The following LRRC70 variants were observed in gnomAD, a reference collection of about 807,000 sequenced individuals.
LRRC70 encodes leucine rich repeat containing 70.
LRRC70 carries 31 observed loss-of-function variants against 42.4 expected under a neutral mutation model. The observed-to-expected ratio is 0.73, with a 90% CI of 0.55 to 0.99. The LOEUF (loss-of-function observed/expected upper bound fraction) is 0.99, where lower values mean the gene tolerates loss of function less well. Ranked by LOEUF, LRRC70 falls within the 50% of genes least tolerant of loss-of-function variation. The pLI, the probability that LRRC70 is intolerant of heterozygous loss-of-function variation, is 0.00. For missense variants in LRRC70, 643 were observed against 707.5 expected, an observed-to-expected ratio of 0.91 and a Z score of 1.03; for synonymous variants, 270 against 262.9, an observed-to-expected ratio of 1.03 and a Z score of -0.26.
Position 62,581,335 on chromosome 5 carries a change from T to G in LRRC70, c.*28T>G. 6.9e-7 allele frequency: 1 copy of G among 1,452,620 alleles called. No individual in the cohort carries two copies. Among genetic ancestry groups the G allele is most frequent in the South Asian group, 1.5e-5 (1 of 66,232 alleles). 90.0% of individuals were successfully genotyped at this position (1,452,620 alleles called of 1,614,324 possible). On this transcript the variant is annotated 3_prime_UTR_variant, in exon 2 of 2. Coordinates refer to ENST00000334994, the MANE Select transcript of LRRC70 (RefSeq NM_181506.5). ...CAACTAAATATTGTCTATAAGAAACTTCAGTGCCATGGACATGATTTAAAC... is the reference window on the plus strand; with the variant it reads ...CAACTAAATATTGTCTATAAGAAACGTCAGTGCCATGGACATGATTTAAAC...
Position 62,579,798 on chromosome 5 carries a change from C to G in LRRC70, c.360C>G (p.Ile120Met), listed in dbSNP as rs746816763. The G allele has an allele frequency of 4.5e-6, 7 of 1,543,684 alleles. No homozygotes were observed. The South Asian group carries it at 6.0e-5, about 13-fold the overall frequency. ...TTCTATTTCTAAATAATAATTTCATCAAACGCTTAGATCCTGGAATATTTA... is the reference window on the plus strand; with the variant it reads ...TTCTATTTCTAAATAATAATTTCATGAAACGCTTAGATCCTGGAATATTTA... ...LYFLFLNNNF[I>M]KRLDPGIFKG... The change falls in exon 2 of 2, where the codon ATC (isoleucine) becomes ATG (methionine). Residue 120 changes from isoleucine (I) to methionine (M), a missense_variant. Transcript: ENST00000334994.
At position 62,581,346 on chromosome 5, in the gene LRRC70, G is replaced by A. The variant is rs1193669662; in HGVS notation, c.*39G>A. 7.0e-7 allele frequency: 1 copy of A among 1,419,578 alleles called. No individual in the cohort carries two copies. The highest frequency in any genetic ancestry group is 9.3e-7 in the Non-Finnish European group (1 of 1,078,678). 87.9% of individuals were successfully genotyped at this position (1,419,578 alleles called of 1,614,324 possible). A position where few individuals can be genotyped will look rare whatever the true frequency, so the allele number is the denominator to read the frequency against. On this transcript the variant is annotated 3_prime_UTR_variant, in exon 2 of 2. Transcript: ENST00000334994. ...TGTCTATAAGAAACTTCAGTGCCAT[G>A]GACATGATTTAAACTGAAACCTCCT...
rs1304299153 is a variant in LRRC70 at position 62,580,246 on chromosome 5, G to A, written c.808G>A (p.Asp270Asn). Residue 270 changes from aspartate (D) to asparagine (N), a missense_variant, in exon 2 of 2, where the codon GAT becomes AAT. Transcript: ENST00000334994. ...KNSRIRNVTR[D>N]GFSGINNLKH... Reference sequence around the variant, plus strand: ...TTCAAGAATTAGGAATGTTACTAGGGATGGGTTTAGTGGAATTAATAATCT... The same window carrying A: ...TTCAAGAATTAGGAATGTTACTAGGAATGGGTTTAGTGGAATTAATAATCT... 1.9e-6 allele frequency: 3 copies of A among 1,547,904 alleles called. No homozygotes were observed. Among genetic ancestry groups the A allele is most frequent in the Non-Finnish European group, 1.7e-6 (2 of 1,143,790 alleles).
rs1450612136 is a variant in LRRC70 at position 62,581,059 on chromosome 5, T to G, written c.1621T>G (p.Leu541Val). 1.3e-6 allele frequency: 2 copies of G among 1,549,786 alleles called. No homozygotes were observed. Among genetic ancestry groups the G allele is most frequent in the African/African-American group, 2.7e-5 (2 of 72,844 alleles). The change falls in exon 2 of 2, where the codon TTA becomes GTA. Residue 541 changes from leucine to valine, a missense_variant. Coordinates refer to ENST00000334994, the MANE Select transcript of LRRC70 (RefSeq NM_181506.5). ...AGCTTTTTTCATCTTAGCTTGTGTTTTAATCATTTTTTTGATCTACAAAGT... is the reference window on the plus strand; with the variant it reads ...AGCTTTTTTCATCTTAGCTTGTGTTGTAATCATTTTTTTGATCTACAAAGT... Reference protein sequence around the residue: ...LLAFFILACVLIIFLIYKVVQ... With the variant: ...LLAFFILACVVIIFLIYKVVQ...
At position 62,580,779 on chromosome 5, in the gene LRRC70, T is replaced by C. The variant is rs1744522351; in HGVS notation, c.1341T>C (p.Thr447=). 6.4e-7 allele frequency: 1 copy of C among 1,551,506 alleles called. No individual in the cohort carries two copies. The highest frequency in any genetic ancestry group is 8.7e-7 in the Non-Finnish European group (1 of 1,146,874). ...CAAATGGCAGTCCTCTGGAAAATACTGAGACTGAGAACATTACTTTCTGGG... is the reference window on the plus strand; with the variant it reads ...CAAATGGCAGTCCTCTGGAAAATACCGAGACTGAGAACATTACTTTCTGGG... The part of the protein sequence containing the change: ...VTTNGSPLEN[T]ETENITFWER... The change falls in exon 2 of 2, where the codon ACT becomes ACC. Residue 447 remains threonine, a synonymous_variant. Coordinates refer to ENST00000334994, the MANE Select transcript of LRRC70 (RefSeq NM_181506.5).
At position 62,580,142 on chromosome 5, in the gene LRRC70, T is replaced by C. The variant is rs1744492853; in HGVS notation, c.704T>C (p.Leu235Ser). The change falls in exon 2 of 2, where the codon TTG (leucine) becomes TCG (serine). Residue 235 changes from leucine (L) to serine (S), a missense_variant. Transcript: ENST00000334994. ...CTTAAAAGTCTTAGAAGACTTTCTT[T>C]GTCTCATAATCCTATTGAAGCAATA... Reference protein sequence around the residue: ...EVLKSLRRLSLSHNPIEAIQP... With the variant: ...EVLKSLRRLSSSHNPIEAIQP... 6.4e-7 allele frequency: 1 copy of C among 1,551,042 alleles called. No individual in the cohort carries two copies. The highest frequency in any genetic ancestry group is 2.4e-5 in the East Asian group (1 of 40,890).
Position 62,579,509 on chromosome 5 carries a change from T to A in LRRC70, c.71T>A (p.Leu24Ter), listed in dbSNP as rs931245446. The part of the protein sequence containing the change: ...FLVVTCYLLL[L>*]LHKEILGCSS... The stretch of plus-strand genomic sequence containing the variant: ...GTTGTTACCTGTTATCTTTTATTAT[T>A]ACTCCACAAAGAAATACTTGGATGT... The change falls in exon 2 of 2, where the codon TTA becomes TAA. Residue 24 changes from leucine (L) to a stop codon, truncating the protein, a stop_gained. Transcript: ENST00000334994. LOFTEE classifies it high-confidence loss of function. 1.3e-6 allele frequency: 2 copies of A among 1,551,028 alleles called. No homozygotes were observed.
rs918273153 is a variant in LRRC70 at position 62,579,780 on chromosome 5, T to C, written c.342T>C (p.Phe114=). The C allele has an allele frequency of 6.5e-7, 1 of 1,542,872 alleles. No homozygotes were observed. The highest frequency in any genetic ancestry group is 8.8e-7 in the Non-Finnish European group (1 of 1,141,348). ...AATTGAGGCATCTATATTTTCTATT[T>C]CTAAATAATAATTTCATCAAACGCT... ...FVQLRHLYFL[F]LNNNFIKRLD... Residue 114 remains phenylalanine (F), a synonymous_variant, in exon 2 of 2, where the codon TTT becomes TTC. Transcript: ENST00000334994.
chr5:62,579,970 G>A lies in LRRC70; in HGVS notation c.532G>A (p.Gly178Ser). 1 of 1,551,110 alleles carries A rather than the reference G, an allele frequency of 6.4e-7. No homozygotes were observed. Among genetic ancestry groups the A allele is most frequent in the Non-Finnish European group, 8.7e-7 (1 of 1,146,712 alleles). Reference protein sequence around the residue: ...LTVLGSGTFVGMVALRILDLS... With the variant: ...LTVLGSGTFVSMVALRILDLS... ...TGTCCTTGGGAGTGGTACCTTTGTT[G>A]GTATGGTTGCTCTTCGGATACTTGA... Residue 178 changes from glycine to serine, a missense_variant, in exon 2 of 2, where the codon GGT (glycine) becomes AGT (serine). Coordinates refer to ENST00000334994, the MANE Select transcript of LRRC70 (RefSeq NM_181506.5).
intron 1 of LRRC70, 88 bp from the exon 2 acceptor site, chr5:62,579,313 A>G: frequency 1.2e-6 from 1 of 851,212 alleles, no homozygotes; most frequent in East Asian, 2.7e-5. Flanking sequence ...GATCCTAATT[A>G]AAATAGAATA....
intron 1 of LRRC70, among the ~76,000 whole-genome samples, 152 bp downstream of exon 1, chr5:62,579,087 CAT>C (rs1371463924): frequency 1.3e-4 from 20 of 152,002 alleles, no homozygotes; most frequent in African/African-American, 7.2e-5. Flanking sequence ...GTTAAAGGGA[CAT>C]ATTAAATTCA....
At position 62,580,345 on chromosome 5, in the gene LRRC70, A is replaced by G. The variant is rs552585554; in HGVS notation, c.907A>G (p.Ile303Val). ...CACATTCAGTTTGTTAAAGAATTTA[A>G]TTTACCTTAAGTTAGATAGAAACAG... ...SDTFSLLKNL[I>V]YLKLDRNRII... Residue 303 changes from isoleucine to valine, a missense_variant, in exon 2 of 2, where the codon ATT (isoleucine) becomes GTT (valine). Ile to Val is a conservative substitution (Grantham distance 29). Transcript: ENST00000334994. The G allele has an allele frequency of 6.5e-7, 1 of 1,543,316 alleles. No individual in the cohort carries two copies. Among genetic ancestry groups the G allele is most frequent in the East Asian group, 2.4e-5 (1 of 40,834 alleles).
chr5:62,581,307 ACT>A lies in LRRC70; in HGVS notation c.*2_*3del. The A allele has an allele frequency of 6.7e-7, 1 of 1,501,612 alleles. No homozygotes were observed. Among genetic ancestry groups the A allele is most frequent in the Non-Finnish European group, 8.9e-7 (1 of 1,129,716 alleles). 93.0% of individuals were successfully genotyped at this position (1,501,612 alleles called of 1,614,324 possible). On this transcript the variant is annotated 3_prime_UTR_variant, in exon 2 of 2. Transcript: ENST00000334994. ...TTCTTTTTGAACATTCTGCTTTATAACTCAACTAAATATTGTCTATAAGAAAC... is the reference window on the plus strand; with the variant it reads ...TTCTTTTTGAACATTCTGCTTTATAACAACTAAATATTGTCTATAAGAAAC...
chr5:62,581,025 C>A lies in LRRC70; in HGVS notation c.1587C>A (p.Asp529Glu). 1.3e-6 allele frequency: 2 copies of A among 1,551,084 alleles called. No homozygotes were observed. Among genetic ancestry groups the A allele is most frequent in the South Asian group, 2.4e-5 (2 of 83,966 alleles). The change falls in exon 2 of 2, where the codon GAC becomes GAA. Residue 529 changes from aspartate (D) to glutamate (E), a missense_variant. Coordinates refer to ENST00000334994, the MANE Select transcript of LRRC70 (RefSeq NM_181506.5). ...TTGAGAAGTTGAATGAGGCTTTTGACATTTTGCTAGCTTTTTTCATCTTAG... is the reference window on the plus strand; with the variant it reads ...TTGAGAAGTTGAATGAGGCTTTTGAAATTTTGCTAGCTTTTTTCATCTTAG... ...QEVEKLNEAF[D>E]ILLAFFILAC...
chr5:62,578,923 T>C lies in LRRC70; in HGVS notation c.-51T>C, dbSNP rs769698402. 4.1e-5 allele frequency: 10 copies of C among 242,952 alleles called. No homozygotes were observed. Among genetic ancestry groups the C allele is most frequent in the East Asian group, 1.1e-4 (1 of 8,752 alleles). The allele number at this position is 242,952 out of a possible 1,614,324, so 15.0% of individuals were successfully genotyped here. A position where few individuals can be genotyped will look rare whatever the true frequency, so the allele number is the denominator to read the frequency against. ...ATCAGCTGAGTGTTAATAATACGAA[T>C]TTCCTTTTCTTGGTAAGATTATTTA... On this transcript the variant is annotated 5_prime_UTR_variant, in exon 1 of 2. Coordinates refer to ENST00000334994, the MANE Select transcript of LRRC70 (RefSeq NM_181506.5).
In LRRC70 at chr5:62,580,076, G is replaced by C. The variant is rs199809934; in HGVS notation, c.638G>C (p.Ser213Thr). ...AACCTTGCTTGTTTGTATTTAGGAAGTAATAATTTAACAAAAGTACCATCA... is the reference window on the plus strand; with the variant it reads ...AACCTTGCTTGTTTGTATTTAGGAACTAATAATTTAACAAAAGTACCATCA... ...LENLACLYLGSNNLTKVPSNA... is the reference protein window; with the variant it reads ...LENLACLYLGTNNLTKVPSNA... Residue 213 changes from serine (S) to threonine (T), a missense_variant, in exon 2 of 2, where the codon AGT (serine) becomes ACT (threonine). Physicochemically the swap from Ser to Thr is moderately conservative, Grantham distance 58 (BLOSUM62 1). Coordinates refer to ENST00000334994, the MANE Select transcript of LRRC70 (RefSeq NM_181506.5). 3.7e-4 allele frequency: 567 copies of C among 1,550,954 alleles called. No homozygotes were observed. Among genetic ancestry groups the C allele is most frequent in the Admixed American group, 1.5e-3 (76 of 50,926 alleles).
chr5:62,579,293 A>C (rs1337800955), intron 1 of LRRC70, 108 bp from the exon 2 acceptor site: 5 of 738,576 alleles, frequency 6.8e-6, no homozygotes, highest in Non-Finnish European at 1.2e-5. Flanking sequence ...TTATGATAGT[A>C]TTATTGGCTG....
rs1219333782 is a variant in LRRC70, at chr5:62,580,807, C to T, written c.1369C>T (p.Arg457Ter). 7 of 1,551,354 alleles carry T rather than the reference C, an allele frequency of 4.5e-6. No individual in the cohort carries two copies. The highest frequency in any genetic ancestry group is 2.4e-5 in the East Asian group (1 of 40,912). The change falls in exon 2 of 2, where the codon CGA (arginine) becomes TGA (stop). Residue 457 changes from arginine (R) to a stop codon, truncating the protein, a stop_gained. Coordinates refer to ENST00000334994, the MANE Select transcript of LRRC70 (RefSeq NM_181506.5). LOFTEE classifies it high-confidence loss of function. The stretch of plus-strand genomic sequence containing the variant: ...GACTGAGAACATTACTTTCTGGGAA[C>T]GAATTCCTACTTCACCTGCTGGTAG... The part of the protein sequence containing the change: ...TETENITFWE[R>*]IPTSPAGRFF...
In LRRC70 at chr5:62,579,531, A is replaced by C; in HGVS notation, c.93A>C (p.Gly31=). ...LLLLLHKEIL[G]CSSVCQLCTG... is the part of the protein sequence containing the mutation. ...TATTACTCCACAAAGAAATACTTGG[A>C]TGTTCGTCTGTTTGTCAGCTCTGCA... is the stretch of plus-strand genomic sequence containing the variant. Residue 31 remains glycine (G), a synonymous_variant, in exon 2 of 2, where the codon GGA becomes GGC. Transcript: ENST00000334994. 6.4e-7 allele frequency: 1 copy of C among 1,551,110 alleles called. No individual in the cohort carries two copies. The highest frequency in any genetic ancestry group is 8.7e-7 in the Non-Finnish European group (1 of 1,146,588).
Sources: allele counts gnomAD v4.1 joint callset (sites outside exome capture counted in the v4.1 genomes callset), GRCh38; gene constraint gnomAD v4.1.1; transcripts MANE v1.5; gene names NCBI Gene and HGNC (gene_info 2026-07-23, HGNC 2026-07-21).